Variants in PIBF1 observed in about 807,000 individuals in gnomAD.
PIBF1 encodes the protein progesterone immunomodulatory binding factor 1, also known as progesterone-induced-blocking factor 1.
Under a neutral mutation model 112.5 loss-of-function variants are expected in PIBF1, and 90 were observed. The observed-to-expected ratio is 0.80, with a 90% CI of 0.67 to 0.95. The LOEUF is 0.95. PIBF1 is among the 40% of genes least tolerant of loss of function. The pLI is 0.00. For missense variants in PIBF1, 915 were observed against 852.3 expected, an observed-to-expected ratio of 1.07 and a Z score of -0.92; for synonymous variants, 301 against 288.6, an observed-to-expected ratio of 1.04 and a Z score of -0.44.
chr13:72,856,490 G>T (rs2038428642), intron 10 of PIBF1, among the ~76,000 whole-genome samples: 1 of 152,066 alleles, frequency 6.6e-6, no homozygotes, highest in South Asian at 2.1e-4. Flanking sequence ...GGAAAAAAAG[G>T]TGTTTCTAGA....
intron 5 of PIBF1, among the ~76,000 whole-genome samples, chr13:72,803,331 T>G (rs767903363): frequency 2.6e-5 from 4 of 152,048 alleles, no homozygotes; most frequent in Admixed American, 6.5e-5. Context: ...CATAAAAATT[T>G]TCTCATTGTC....
intron 16 of PIBF1, among the ~76,000 whole-genome samples, chr13:72,997,533 A>T (rs1389508469): frequency 6.6e-6 from 1 of 152,186 alleles, no homozygotes; most frequent in Non-Finnish European, 1.5e-5. Flanking sequence ...CCTAAAATCT[A>T]TTAAGGTTAT....
chr13:72,915,138 T>C (rs2041040052), intron 12 of PIBF1, among the ~76,000 whole-genome samples: 1 of 152,166 alleles, frequency 6.6e-6, no homozygotes, highest in Admixed American at 6.5e-5. Context: ...GGTGTAGATA[T>C]GTTATATGCA....
chr13:72,856,055 C>T (rs2038409096), intron 10 of PIBF1, among the ~76,000 whole-genome samples: 1 of 152,180 alleles, frequency 6.6e-6, no homozygotes. Flanking sequence ...GTAAGCTACA[C>T]TCTTAACCTA....
intron 16 of PIBF1, among the ~76,000 whole-genome samples, chr13:72,984,157 A>G (rs1474458161): frequency 6.6e-6 from 1 of 152,176 alleles, no homozygotes; most frequent in East Asian, 1.9e-4. Context: ...TGCAAAAAAT[A>G]CTGCAAATGT....
At chr13:72,791,199 C>G (rs938165901) in intron 2 of PIBF1, among the ~76,000 whole-genome samples, 3 of 152,014 alleles carry the variant, frequency 2.0e-5, no homozygotes, top group Non-Finnish European at 4.4e-5. Context: ...GGACTACAGG[C>G]ACATGCCACC....
At chr13:72,961,681 A>G (rs1433554571) in intron 14 of PIBF1, among the ~76,000 whole-genome samples, 1 of 152,148 alleles carries the variant, frequency 6.6e-6, no homozygotes, top group Non-Finnish European at 1.5e-5. Context: ...CTAATAATAG[A>G]TATCCACCAT....
At chr13:72,898,097 A>C (rs369840018) in intron 11 of PIBF1, among the ~76,000 whole-genome samples, 2 of 152,296 alleles carry the variant, frequency 1.3e-5, no homozygotes, top group African/African-American at 4.8e-5. Flanking sequence ...AGAAAATTGA[A>C]ATTATATCAA....
chr13:72,969,855 T>C (rs1306005244), intron 15 of PIBF1: 3 of 152,226 alleles, frequency 2.0e-5, no homozygotes, highest in Non-Finnish European at 4.4e-5. Context: ...TAGGAGAATC[T>C]CAGTAAATGT....
intron 16 of PIBF1, 34 bp from the exon 17 acceptor site, chr13:72,998,788 C>G: frequency 1.3e-6 from 2 of 1,522,436 alleles, no homozygotes; most frequent in Non-Finnish European, 1.8e-6. Flanking sequence ...TAAAATCACT[C>G]TTGCTACTTT....
intron 6 of PIBF1, among the ~76,000 whole-genome samples, chr13:72,823,555 A>G (rs1037435585): frequency 1.3e-5 from 2 of 151,908 alleles, no homozygotes; most frequent in Admixed American, 6.6e-5. Flanking sequence ...ACTGGGGAAG[A>G]AAAAAAAGCC....
chr13:72,790,512 TA>T (rs1231213852), intron 2 of PIBF1, among the ~76,000 whole-genome samples: 5 of 10,662 alleles, frequency 4.7e-4, no homozygotes, highest in Non-Finnish European at 1.6e-3. Context: ...CACACACACA[TA>T]GATAGATAGA....
At chr13:72,863,585 GA>G (rs766503174) in intron 10 of PIBF1, among the ~76,000 whole-genome samples, 2 of 149,564 alleles carry the variant, frequency 1.3e-5, no homozygotes, top group Non-Finnish European at 2.9e-5. Context: ...GTGAACCCAG[GA>G]AGCGGAGCTT....
chr13:72,823,602 A>C (rs969606911), intron 6 of PIBF1, among the ~76,000 whole-genome samples: 3 of 152,204 alleles, frequency 2.0e-5, no homozygotes, highest in Non-Finnish European at 2.9e-5. Flanking sequence ...AAATGTACAA[A>C]AGGAAACAGG....
At chr13:72,878,077 C>G (rs2039483139) in intron 10 of PIBF1, among the ~76,000 whole-genome samples, 1 of 151,780 alleles carries the variant, frequency 6.6e-6, no homozygotes, top group African/African-American at 2.4e-5. Flanking sequence ...AATTTAGGTC[C>G]TCTCTTTTTC....
At chr13:72,891,415 T>G (rs1366812960) in intron 10 of PIBF1, among the ~76,000 whole-genome samples, 2 of 152,188 alleles carry the variant, frequency 1.3e-5, no homozygotes, top group Non-Finnish European at 2.9e-5. Context: ...TTTAATTCAT[T>G]TATATTTATA....
At chr13:72,806,514 C>T (rs1324802506) in intron 5 of PIBF1, among the ~76,000 whole-genome samples, 1 of 152,036 alleles carries the variant, frequency 6.6e-6, no homozygotes, top group African/African-American at 2.4e-5. Flanking sequence ...CTAATGCTAT[C>T]CCTCCCCTAG....
chr13:72,967,956 C>T (rs1420891902), intron 15 of PIBF1, among the ~76,000 whole-genome samples: 1 of 151,948 alleles, frequency 6.6e-6, no homozygotes, highest in East Asian at 1.9e-4. Flanking sequence ...GAGGCCGAGG[C>T]GGGCGGATCA....
chr13:72,981,247 G>C (rs2043149130), intron 16 of PIBF1, among the ~76,000 whole-genome samples: 2 of 150,498 alleles, frequency 1.3e-5, no homozygotes, highest in African/African-American at 4.9e-5. Context: ...GCAAGACTCT[G>C]TCTCAAAAAA....
Sources: gnomAD v4.1 joint callset for allele counts (sites outside exome capture counted in the v4.1 genomes callset) on GRCh38, gnomAD v4.1.1 for gene constraint, MANE v1.5 for transcripts, NCBI Gene and HGNC (gene_info 2026-07-23, HGNC 2026-07-21) for gene names.